Variants in MACROD2 observed in about 807,000 individuals in gnomAD.
The protein encoded by MACROD2 is ADP-ribose glycohydrolase MACROD2.
MACROD2 carries 36 observed loss-of-function variants against 70.4 expected under a neutral mutation model. That is an observed-to-expected ratio of 0.51 (90% CI 0.39 to 0.68). The LOEUF (loss-of-function observed/expected upper bound fraction) is 0.68, where lower values mean the gene tolerates loss of function less well. MACROD2 is among the 30% of genes least tolerant of loss of function. The pLI, the probability that MACROD2 is intolerant of heterozygous loss-of-function variation, is 0.00. For missense variants in MACROD2, 496 were observed against 538.4 expected (o/e 0.92, Z 0.78); for synonymous variants, 172 against 178.8 (o/e 0.96, Z 0.30).
At chr20:15,492,188 C>G (rs149313453) in intron 7 of MACROD2, among the ~76,000 whole-genome samples, 2 of 152,154 alleles carry the variant, frequency 1.3e-5, no homozygotes, top group Admixed American at 1.3e-4. Flanking sequence ...AAGTGCTTAA[C>G]GGTGAGGCTC....
intron 6 of MACROD2, among the ~76,000 whole-genome samples, chr20:15,311,484 G>T (rs1160249779): frequency 6.6e-6 from 1 of 152,102 alleles, no homozygotes; most frequent in African/African-American, 2.4e-5. Context: ...ACATGCACTC[G>T]CATGTTCATA....
chr20:15,429,303 A>T (rs533031200), intron 6 of MACROD2, among the ~76,000 whole-genome samples: 1 of 152,328 alleles, frequency 6.6e-6, no homozygotes, highest in Admixed American at 6.5e-5. Flanking sequence ...TGGCACCTCA[A>T]GAACCGTCAG....
At chr20:14,702,874 C>G (rs1328508658) in intron 5 of MACROD2, among the ~76,000 whole-genome samples, 1 of 150,988 alleles carries the variant, frequency 6.6e-6, no homozygotes, top group Non-Finnish European at 1.5e-5. Context: ...ATTATAGGTG[C>G]CTGCCACCAC....
chr20:15,181,878 G>A (rs567965313), intron 5 of MACROD2, among the ~76,000 whole-genome samples: 4 of 152,114 alleles, frequency 2.6e-5, no homozygotes, highest in Admixed American at 1.3e-4. Context: ...CTTTGAAGAA[G>A]ATTATTTGCC....
At chr20:15,680,202 T>C (rs1449935079) in intron 8 of MACROD2, among the ~76,000 whole-genome samples, 1 of 152,186 alleles carries the variant, frequency 6.6e-6, no homozygotes, top group Non-Finnish European at 1.5e-5. Flanking sequence ...CATTTCCCTT[T>C]GCAGTGACGG....
intron 5 of MACROD2, among the ~76,000 whole-genome samples, chr20:15,225,896 A>G (rs1459013411): frequency 2.0e-5 from 3 of 152,212 alleles, no homozygotes; most frequent in African/African-American, 4.8e-5. Context: ...ATTCCTAGGA[A>G]TAGAACTGCT....
At chr20:14,110,782 T>C (rs929696320) in intron 3 of MACROD2, among the ~76,000 whole-genome samples, 1 of 151,964 alleles carries the variant, frequency 6.6e-6, no homozygotes, top group Non-Finnish European at 1.5e-5. Context: ...TCAATAATGT[T>C]AAAATATTCA....
At chr20:15,486,571 G>A (rs2047166304) in intron 7 of MACROD2, among the ~76,000 whole-genome samples, 1 of 152,134 alleles carries the variant, frequency 6.6e-6, no homozygotes, top group Non-Finnish European at 1.5e-5. Context: ...CTTTTCAGGG[G>A]AAGGATTCAA....
intron 8 of MACROD2, among the ~76,000 whole-genome samples, chr20:15,678,955 G>C (rs1474909663): frequency 6.6e-6 from 1 of 152,180 alleles, no homozygotes; most frequent in African/African-American, 2.4e-5. Flanking sequence ...AGATTGCACA[G>C]GCTGGGTGCG....
intron 5 of MACROD2, among the ~76,000 whole-genome samples, chr20:14,970,069 A>G (rs1407276449): frequency 1.3e-5 from 2 of 152,214 alleles, no homozygotes; most frequent in African/African-American, 4.8e-5. Context: ...AAGAGGTTTA[A>G]TTAACTCACA....
chr20:15,692,247 G>A (rs2050308038), intron 8 of MACROD2, among the ~76,000 whole-genome samples: 1 of 152,024 alleles, frequency 6.6e-6, no homozygotes, highest in Non-Finnish European at 1.5e-5. Flanking sequence ...CAGGCCCATG[G>A]CAAAATCAAA....
intron 8 of MACROD2, among the ~76,000 whole-genome samples, chr20:15,511,753 G>A (rs2047502946): frequency 6.6e-6 from 1 of 152,166 alleles, no homozygotes; most frequent in Admixed American, 6.5e-5. Context: ...TAATGACCAA[G>A]AGGTTGCTCA....
At chr20:15,683,250 G>A (rs984878335) in intron 8 of MACROD2, among the ~76,000 whole-genome samples, 1 of 152,160 alleles carries the variant, frequency 6.6e-6, no homozygotes, top group Non-Finnish European at 1.5e-5. Flanking sequence ...GGCACTTACT[G>A]TATAATGCAA....
intron 3 of MACROD2, among the ~76,000 whole-genome samples, chr20:14,209,709 CA>C: frequency 6.6e-6 from 1 of 152,052 alleles, no homozygotes; most frequent in Non-Finnish European, 1.5e-5. Flanking sequence ...TACTGTAGGG[CA>C]TCCGAGCCAG....
intron 5 of MACROD2, among the ~76,000 whole-genome samples, chr20:15,151,982 G>A (rs1488852002): frequency 1.3e-5 from 2 of 151,910 alleles, no homozygotes; most frequent in African/African-American, 4.8e-5. Context: ...TGGGACTGAG[G>A]GGACAGGTGG....
At chr20:15,453,897 G>A (rs1490514483) in intron 7 of MACROD2, among the ~76,000 whole-genome samples, 1 of 152,128 alleles carries the variant, frequency 6.6e-6, no homozygotes, top group Admixed American at 6.6e-5. Flanking sequence ...CCCCCAGAGT[G>A]GGAGGTCTCT....
chr20:14,790,276 A>C (rs925161750), intron 5 of MACROD2, among the ~76,000 whole-genome samples: 1 of 151,932 alleles, frequency 6.6e-6, no homozygotes. Flanking sequence ...TAAAAAAAAA[A>C]CAAATATTTT....
At chr20:15,513,002 T>C (rs1229286330) in intron 8 of MACROD2, among the ~76,000 whole-genome samples, 4 of 152,206 alleles carry the variant, frequency 2.6e-5, no homozygotes, top group Non-Finnish European at 2.9e-5. Context: ...CATATGGTTT[T>C]CCCTTGGGTT....
Position 15,963,145 on chromosome 20 carries a change from A to C in MACROD2, c.908-4408A>C, listed in dbSNP as rs563682630. Reference sequence around the variant, plus strand: ...TTTGCATAGTATAATCAAATCAGTTAACGAGAATCAAAGAAAATCCAGGTG... The same window carrying C: ...TTTGCATAGTATAATCAAATCAGTTCACGAGAATCAAAGAAAATCCAGGTG... On this transcript the variant is annotated intron_variant, in intron 12 of 17. Coordinates refer to ENST00000684519, the MANE Select transcript of MACROD2 (RefSeq NM_001351661.2). Among the ~76,000 whole-genome samples the C allele has an allele frequency of 2.0e-5, 3 of 152,338 alleles. No individual in the cohort carries two copies. The South Asian group carries it at 6.2e-4, about 32-fold the overall frequency.
Sources: allele counts gnomAD v4.1 joint callset (sites outside exome capture counted in the v4.1 genomes callset), GRCh38; gene constraint gnomAD v4.1.1; transcripts MANE v1.5; gene names NCBI Gene and HGNC (gene_info 2026-07-23, HGNC 2026-07-21).